The following ANTXR1 variants were observed in gnomAD, a reference collection of about 807,000 sequenced individuals.
The protein encoded by ANTXR1 is ANTXR cell adhesion molecule 1.
Under a neutral mutation model 78.1 loss-of-function variants are expected in ANTXR1, and 19 were observed. That is an observed-to-expected ratio of 0.24 (90% CI 0.17 to 0.36). The LOEUF is 0.36. ANTXR1 is among the 10% of genes least tolerant of loss of function. ANTXR1 has a pLI of 1.00. For synonymous variants in ANTXR1, 273 were observed against 260.5 expected, an observed-to-expected ratio of 1.05 and a Z score of -0.46; for missense variants, 518 against 718.6, an observed-to-expected ratio of 0.72 and a Z score of 3.19.
At chr2:69,035,684 A>G (rs1457908017) in intron 1 of ANTXR1, among the ~76,000 whole-genome samples, 2 of 152,208 alleles carry the variant, frequency 1.3e-5, no homozygotes, top group African/African-American at 4.8e-5. Context: ...AAGAATGATC[A>G]CTTACATACA....
chr2:69,115,175 A>G (rs1410021695), intron 10 of ANTXR1, among the ~76,000 whole-genome samples: 2 of 152,254 alleles, frequency 1.3e-5, no homozygotes, highest in African/African-American at 2.4e-5. Flanking sequence ...CTGCTCAGGC[A>G]TTGCTAGTTG....
chr2:69,220,852 C>T (rs1248429855), intron 17 of ANTXR1, among the ~76,000 whole-genome samples: 1 of 152,138 alleles, frequency 6.6e-6, no homozygotes, highest in Non-Finnish European at 1.5e-5. Context: ...GATCTCTCTC[C>T]GTGTATCAAA....
chr2:69,093,358 C>T (rs1671298391), intron 9 of ANTXR1, among the ~76,000 whole-genome samples: 1 of 151,952 alleles, frequency 6.6e-6, no homozygotes, highest in Non-Finnish European at 1.5e-5. Context: ...AGAGTAAGAC[C>T]AAAGTAAAAG....
At chr2:69,166,692 C>T (rs1257619757) in intron 13 of ANTXR1, among the ~76,000 whole-genome samples, 4 of 152,282 alleles carry the variant, frequency 2.6e-5, no homozygotes. Flanking sequence ...CAACCCTATC[C>T]ATCTTCTTTG....
At chr2:69,158,705 C>T (rs1275583901) in intron 13 of ANTXR1, among the ~76,000 whole-genome samples, 3 of 152,138 alleles carry the variant, frequency 2.0e-5, no homozygotes, top group Non-Finnish European at 4.4e-5. Context: ...ATAAAATAGG[C>T]TTTGTGTTAT....
At position 69,127,306 on chromosome 2, in the gene ANTXR1, T is replaced by TA. The variant is rs556624901; in HGVS notation, c.951+2664dup. Among the ~76,000 whole-genome samples, 22 of 152,158 alleles carry TA rather than the reference T, an allele frequency of 1.4e-4. No homozygotes were observed. In the East Asian group the frequency reaches 3.9e-3, roughly 27 times the overall value. On this transcript the variant is annotated intron_variant, in intron 12 of 17. Coordinates refer to ENST00000303714, the MANE Select transcript of ANTXR1 (RefSeq NM_032208.3). ...ATAGTGAGGAAGTTAACCATGAGGC[T>TA]ATGGGAGTGTGGGGAAGGGTGGGAT...
chr2:69,064,198 ATAT>A (rs1325612397), intron 3 of ANTXR1, among the ~76,000 whole-genome samples: 1 of 152,156 alleles, frequency 6.6e-6, no homozygotes, highest in Non-Finnish European at 1.5e-5. Context: ...TATACCCCAA[ATAT>A]TATAGCTTGA....
chr2:69,175,678 C>T (rs1350589262), intron 14 of ANTXR1, among the ~76,000 whole-genome samples: 1 of 152,016 alleles, frequency 6.6e-6, no homozygotes, highest in Non-Finnish European at 1.5e-5. Context: ...AGTATATATG[C>T]ACTGGGGGGC....
At chr2:69,047,249 G>A (rs72895466) in intron 3 of ANTXR1, among the ~76,000 whole-genome samples, 2,089 of 152,178 alleles carry the variant, frequency 0.014, 47 homozygotes, top group African/African-American at 0.046. Flanking sequence ...TCAAATACAC[G>A]TAGGGTAAAG....
chr2:69,219,227 A>G (rs1675253509), intron 17 of ANTXR1, among the ~76,000 whole-genome samples: 1 of 152,144 alleles, frequency 6.6e-6, no homozygotes, highest in African/African-American at 2.4e-5. Context: ...AGCATGCACA[A>G]GCAAAATGGG....
chr2:69,060,986 A>C (rs1158447501), intron 3 of ANTXR1, among the ~76,000 whole-genome samples: 1 of 152,218 alleles, frequency 6.6e-6, no homozygotes, highest in Non-Finnish European at 1.5e-5. Flanking sequence ...CACATATAAG[A>C]ATAGAAGGGA....
At chr2:69,171,314 A>G (rs939942305) in intron 14 of ANTXR1, among the ~76,000 whole-genome samples, 2 of 152,270 alleles carry the variant, frequency 1.3e-5, no homozygotes, top group African/African-American at 4.8e-5. Flanking sequence ...TGGAATGCTA[A>G]CTTTCTGCCC....
In ANTXR1 at chr2:69,118,246, C is replaced by CA. The variant is rs61565815; in HGVS notation, c.803-4755dup. Reference sequence around the variant, plus strand: ...GGCAACATAGGGGACCTTGTCTCTACAAAAAAAAAAAAAAAATTTAATTAG... The same window carrying CA: ...GGCAACATAGGGGACCTTGTCTCTACAAAAAAAAAAAAAAAAATTTAATTAG... On this transcript the variant is annotated intron_variant, in intron 10 of 17. Transcript: ENST00000303714. 9.3e-3 allele frequency among the ~76,000 whole-genome samples: 886 copies of CA among 94,902 alleles called. 8 individuals are homozygous for CA. The highest frequency in any genetic ancestry group is 0.013 in the Non-Finnish European group (562 of 44,760). 62.3% of individuals were successfully genotyped at this position (94,902 alleles called of 152,430 possible).
chr2:69,164,300 T>C (rs1433130066), intron 13 of ANTXR1, among the ~76,000 whole-genome samples: 1 of 152,214 alleles, frequency 6.6e-6, no homozygotes, highest in East Asian at 1.9e-4. Context: ...CTCTTGGCAG[T>C]TGGGACTTTC....
intron 1 of ANTXR1, among the ~76,000 whole-genome samples, chr2:69,031,487 A>C (rs2104031011): frequency 6.6e-6 from 1 of 152,328 alleles, no homozygotes; most frequent in Non-Finnish European, 1.5e-5. Flanking sequence ...TCCTCTGCCC[A>C]CCCTCACTGC....
At chr2:69,044,912 T>A in intron 3 of ANTXR1, 99 bp downstream of exon 3, 1 of 1,199,592 alleles carries the variant, frequency 8.3e-7, no homozygotes, top group Non-Finnish European at 1.2e-6. Context: ...TTGATCACTT[T>A]AATCTAATAG....
chr2:69,082,234 G>A (rs181650850), intron 8 of ANTXR1, among the ~76,000 whole-genome samples: 5 of 152,232 alleles, frequency 3.3e-5, no homozygotes, highest in Admixed American at 1.3e-4. Context: ...ACTGCCCAAC[G>A]GATGAAGTAC....
At chr2:69,163,869 T>C (rs987096416) in intron 13 of ANTXR1, among the ~76,000 whole-genome samples, 1 of 152,156 alleles carries the variant, frequency 6.6e-6, no homozygotes, top group Non-Finnish European at 1.5e-5. Flanking sequence ...TTTAAATGTG[T>C]AATGGTTAAT....
At chr2:69,134,947 G>A (rs1300991753) in intron 12 of ANTXR1, 1 of 321,894 alleles carries the variant, frequency 3.1e-6, no homozygotes, top group African/African-American at 2.1e-5. Flanking sequence ...TTTTTACAAT[G>A]TCCCAGTATT....
Sources: allele counts gnomAD v4.1 joint callset (sites outside exome capture counted in the v4.1 genomes callset), GRCh38; gene constraint gnomAD v4.1.1; transcripts MANE v1.5; gene names NCBI Gene and HGNC (gene_info 2026-07-23, HGNC 2026-07-21).